NRG1: variants seen among roughly 807,000 people sequenced by gnomAD.
NRG1 encodes the protein neuregulin 1.
NRG1 carries 18 observed loss-of-function variants against 63.8 expected under a neutral mutation model. The observed-to-expected ratio is 0.28, with a 90% confidence interval of 0.19 to 0.42. The LOEUF is 0.42. Ranked by LOEUF, NRG1 falls within the 10% of genes least tolerant of loss-of-function variation. The pLI is 1.00. For missense variants in NRG1, 762 were observed against 814.7 expected, an observed-to-expected ratio of 0.94 and a Z score of 0.79; for synonymous variants, 302 against 301.3, an observed-to-expected ratio of 1.00 and a Z score of -0.02.
At chr8:32,476,360 T>C (rs1417039505) in intron 1 of NRG1, among the ~76,000 whole-genome samples, 1 of 152,220 alleles carries the variant, frequency 6.6e-6, no homozygotes, top group Non-Finnish European at 1.5e-5. Context: ...AAGCTATCAG[T>C]TAATTTATTG....
chr8:31,819,098 C>T (rs1011724274), intron 1 of NRG1, among the ~76,000 whole-genome samples: 5 of 152,016 alleles, frequency 3.3e-5, no homozygotes, highest in Non-Finnish European at 7.4e-5. Context: ...TTGAGCCGGA[C>T]ACAGTTGCAT....
chr8:31,920,321 C>G (rs1699114), intron 1 of NRG1, among the ~76,000 whole-genome samples: 99,245 of 151,878 alleles, frequency 0.65, 32,845 homozygotes, highest in East Asian at 0.92. Flanking sequence ...AAAGATGTAT[C>G]TGTACATTCT....
At chr8:31,953,516 T>A (rs1402930755) in intron 1 of NRG1, among the ~76,000 whole-genome samples, 2 of 152,172 alleles carry the variant, frequency 1.3e-5, no homozygotes, top group Non-Finnish European at 2.9e-5. Context: ...TAGACACGAA[T>A]GTAGTTGTGT....
intron 1 of NRG1, among the ~76,000 whole-genome samples, chr8:31,733,380 A>G (rs1247398541): frequency 6.6e-6 from 1 of 152,154 alleles, no homozygotes; most frequent in Non-Finnish European, 1.5e-5. Flanking sequence ...AAACTCTCTA[A>G]GAATCTTTAC....
chr8:32,111,667 C>T (rs1017356600), intron 1 of NRG1, among the ~76,000 whole-genome samples: 2 of 152,172 alleles, frequency 1.3e-5, no homozygotes, highest in African/African-American at 4.8e-5. Context: ...TTGCATTCAT[C>T]TTTGAGTCCT....
At chr8:31,786,507 G>C (rs1820187989) in intron 1 of NRG1, among the ~76,000 whole-genome samples, 1 of 152,122 alleles carries the variant, frequency 6.6e-6, no homozygotes, top group Non-Finnish European at 1.5e-5. Context: ...AGATCCCTCA[G>C]CTTGAGAGCT....
chr8:32,470,371 C>T (rs13267555), intron 1 of NRG1, among the ~76,000 whole-genome samples: 69 of 150,408 alleles, frequency 4.6e-4, no homozygotes, highest in African/African-American at 1.6e-3. Flanking sequence ...TTCTTTTTTT[C>T]TTTTTTGTAT....
At position 32,589,827 on chromosome 8, in the gene NRG1, TG is replaced by T. The variant is rs557304579; in HGVS notation, c.101-6000del. 1.7e-4 allele frequency among the ~76,000 whole-genome samples: 26 copies of T among 152,340 alleles called. No individual in the cohort carries two copies. The East Asian group carries it at 2.7e-3, about 16-fold the overall frequency. Reference sequence around the variant, plus strand: ...AGAGGATTGCTTAGATGAATGAGGTTGTTTTTTTGGAAATTTATTTTGCCCT... The same window carrying T: ...AGAGGATTGCTTAGATGAATGAGGTTTTTTTTTGGAAATTTATTTTGCCCT... On this transcript the variant is annotated intron_variant, in intron 1 of 11. Coordinates refer to ENST00000356819, the Ensembl canonical transcript of NRG1.
chr8:31,951,359 G>A (rs58805710), intron 1 of NRG1, among the ~76,000 whole-genome samples: 2,215 of 152,292 alleles, frequency 0.015, 45 homozygotes, highest in African/African-American at 0.051. Flanking sequence ...ATTGACAAAT[G>A]GAGGCAGAGC....
At chr8:32,160,332 G>A (rs1838688520) in intron 1 of NRG1, among the ~76,000 whole-genome samples, 1 of 152,224 alleles carries the variant, frequency 6.6e-6, no homozygotes, top group African/African-American at 2.4e-5. Flanking sequence ...CACTTACTGT[G>A]TGACTAGGAA....
At chr8:31,828,429 G>A (rs1281449812) in intron 1 of NRG1, among the ~76,000 whole-genome samples, 1 of 152,166 alleles carries the variant, frequency 6.6e-6, no homozygotes, top group Non-Finnish European at 1.5e-5. Context: ...TTATAGCTGC[G>A]TGGAGCTAAG....
intron 1 of NRG1, among the ~76,000 whole-genome samples, chr8:32,345,219 A>G (rs567281829): frequency 6.6e-6 from 1 of 152,318 alleles, no homozygotes; most frequent in East Asian, 1.9e-4. Flanking sequence ...TTGCTCTTCC[A>G]TTGTGCAAGC....
At chr8:32,768,953 T>C (rs540486589), downstream of NRG1, among the ~76,000 whole-genome samples, 1 of 152,308 alleles carries the variant, frequency 6.6e-6, no homozygotes, top group African/African-American at 2.4e-5. Flanking sequence ...ATTGTAGCTT[T>C]TGACTGAGCT....
At chr8:32,378,643 A>C (rs1019809820) in intron 1 of NRG1, among the ~76,000 whole-genome samples, 1 of 152,046 alleles carries the variant, frequency 6.6e-6, no homozygotes, top group South Asian at 2.1e-4. Flanking sequence ...ATATACTTTA[A>C]GTTTTAGGGT....
chr8:32,082,425 G>C (rs1446050489), intron 1 of NRG1, among the ~76,000 whole-genome samples: 1 of 151,894 alleles, frequency 6.6e-6, no homozygotes, highest in African/African-American at 2.4e-5. Context: ...GTGTCCATGA[G>C]TTTTCATCCT....
intron 11 of NRG1, chr8:32,763,160 T>C: frequency 2.6e-6 from 4 of 1,543,790 alleles, no homozygotes; most frequent in Non-Finnish European, 3.6e-6. Flanking sequence ...AGCACACAAA[T>C]GTATGACACT....
intron 1 of NRG1, among the ~76,000 whole-genome samples, chr8:31,775,882 C>CAAAAAAA (rs71208140): frequency 1.4e-5 from 1 of 72,204 alleles, no homozygotes; most frequent in Admixed American, 1.7e-4. Flanking sequence ...GACTCCGTCT[C>CAAAAAAA]AAAAAAAAAA....
At chr8:31,843,478 C>T (rs1458700771) in intron 1 of NRG1, among the ~76,000 whole-genome samples, 2 of 152,270 alleles carry the variant, frequency 1.3e-5, no homozygotes, top group East Asian at 3.9e-4. Flanking sequence ...ATAAGGCTGT[C>T]TTTTACAATG....
chr8:32,648,186 G>T (rs1403134049), intron 5 of NRG1: 1 of 1,614,124 alleles, frequency 6.2e-7, no homozygotes, highest in East Asian at 2.2e-5. Flanking sequence ...TCAAGTTACA[G>T]TGCAAGGTGA....
Sources: allele counts gnomAD v4.1 joint callset (sites outside exome capture counted in the v4.1 genomes callset), GRCh38; gene constraint gnomAD v4.1.1; transcripts MANE v1.5; gene names NCBI Gene and HGNC (gene_info 2026-07-23, HGNC 2026-07-21).